The following CEP72 variants were observed in gnomAD, a reference collection of about 807,000 sequenced individuals.
CEP72 encodes the protein centrosomal protein 72, also known as centrosomal protein of 72 kDa.
CEP72 carries 78 observed loss-of-function variants against 65.7 expected under a neutral mutation model. The ratio of observed to expected loss-of-function variants is 1.19; its 90% CI spans 0.99 to 1.43. The LOEUF is 1.43. CEP72 is among the 40% of genes most tolerant of loss of function. The probability of loss-of-function intolerance (pLI) is 0.00; values close to 1 mark genes in which losing one functional copy is unlikely to be tolerated. For missense variants in CEP72, 914 were observed against 832.9 expected (o/e 1.10, Z -1.20); for synonymous variants, 358 against 351.7 (o/e 1.02, Z -0.20).
rs1184317339 is a variant in CEP72 at position 620,247 on chromosome 5, A to G, written c.389A>G (p.Lys130Arg). The G allele has an allele frequency of 1.2e-6, 2 of 1,613,304 alleles. No homozygotes were observed. Among genetic ancestry groups the G allele is most frequent in the Middle Eastern group, 1.7e-4 (1 of 6,060 alleles). Residue 130 changes from lysine (K) to arginine (R), a missense_variant, in exon 3 of 12, where the codon AAG becomes AGG. Lys to Arg is a conservative substitution (Grantham distance 26). Coordinates refer to ENST00000264935, the MANE Select transcript of CEP72 (RefSeq NM_018140.4). ...YRLFVVHLLP[K>R]LQQLDDRPVR... The stretch of plus-strand genomic sequence containing the variant: ...CTTTTTGTTGTGCACCTGCTCCCCA[A>G]GCTCCAGCAGCTGGGTAGGCATCAG...
rs543308464 is a variant in CEP72, at chr5:624,261, G to A, written c.404-210G>A. Among the ~76,000 whole-genome samples the A allele has an allele frequency of 1.3e-5, 2 of 152,332 alleles. No individual in the cohort carries two copies. The highest frequency in any genetic ancestry group is 4.8e-5 in the African/African-American group (2 of 41,584). ...TGTGCGGCTGCTCCCGTGCGCAGCAGTGAGCTCTGAGGGACAGGCGGCCTC... is the reference window on the plus strand; with the variant it reads ...TGTGCGGCTGCTCCCGTGCGCAGCAATGAGCTCTGAGGGACAGGCGGCCTC... On this transcript the variant is annotated intron_variant, in intron 3 of 11. Transcript: ENST00000264935. This position sits in a 1 kb window ranked among gnomAD's most constrained non-coding sequence, Gnocchi z 4.7.
chr5:632,805 G>A (rs576422217), intron 4 of CEP72, among the ~76,000 whole-genome samples: 2 of 54,020 alleles, frequency 3.7e-5, no homozygotes, highest in Non-Finnish European at 7.1e-5. Context: ...GTCCAGCGCC[G>A]GGATTTGGCC....
downstream of CEP72, among the ~76,000 whole-genome samples, chr5:668,448 G>A (rs61419136): frequency 1.0e-4 from 11 of 105,246 alleles, no homozygotes; most frequent in Middle Eastern, 5.1e-3. Flanking sequence ...AGGGAAGTGC[G>A]GACAAGCACA....
At chr5:664,429 G>T (rs1739810502) in intron 2 of CEP72, 1 of 152,510 alleles carries the variant, frequency 6.6e-6, no homozygotes, top group South Asian at 2.1e-4. Flanking sequence ...GCCGCCCACT[G>T]CCCCTGACGG....
At position 635,353 on chromosome 5, in the gene CEP72, A is replaced by G. The variant is rs1019940452; in HGVS notation, c.692-19A>G. ...TTTACAATGTTTTATGAAATATTTT[A>G]TTTACAATATTTTAATAGAATCCAG... On this transcript the variant is annotated intron_variant, in intron 5 of 11. Transcript: ENST00000264935. 5.3e-6 allele frequency: 8 copies of G among 1,504,270 alleles called. No individual in the cohort carries two copies. Among genetic ancestry groups the G allele is most frequent in the Non-Finnish European group, 7.3e-6 (8 of 1,100,168 alleles). The allele number at this position is 1,504,270 out of a possible 1,614,324, so 93.2% of individuals were successfully genotyped here. A position where few individuals can be genotyped will look rare whatever the true frequency, so the allele number is the denominator to read the frequency against.
Position 620,954 on chromosome 5 carries a change from G to A in CEP72, c.403+693G>A, listed in dbSNP as rs184931112. 4.5e-3 allele frequency among the ~76,000 whole-genome samples: 691 copies of A among 152,292 alleles called. 3 individuals carry two copies. Among genetic ancestry groups the A allele is most frequent in the South Asian group, 0.012 (58 of 4,832 alleles). ...GTGGTGTCTCTGCTGACCCTACCCC[G>A]AGTCACAGATCCAGGAGAGAAAGCT... On this transcript the variant is annotated intron_variant, in intron 3 of 11. Transcript: ENST00000264935.
At chr5:619,180 A>G (rs1736210547) in intron 2 of CEP72, 63 bp downstream of exon 2, 2 of 1,480,692 alleles carry the variant, frequency 1.4e-6, no homozygotes, top group South Asian at 2.3e-5. Context: ...GTCCATTCAC[A>G]GCAGAAACGG....
At chr5:636,955 G>A (rs1737646871) in intron 6 of CEP72, among the ~76,000 whole-genome samples, 1 of 152,174 alleles carries the variant, frequency 6.6e-6, no homozygotes, top group African/African-American at 2.4e-5. Context: ...GGGTCATCTT[G>A]AGTTGAGCAG....
intron 3 of CEP72, among the ~76,000 whole-genome samples, chr5:620,935 T>C (rs535017830): frequency 6.6e-6 from 1 of 152,286 alleles, no homozygotes; most frequent in African/African-American, 2.4e-5. Context: ...CCTGGTGGTG[T>C]CTCTGCTGAC....
chr5:646,028 G>A (rs760644565), intron 10 of CEP72, among the ~76,000 whole-genome samples: 18 of 151,794 alleles, frequency 1.2e-4, no homozygotes, highest in Admixed American at 5.9e-4. Flanking sequence ...TCCCATCGGC[G>A]GCCTGTGTGG....
At chr5:646,655 G>A (rs1351759719) in intron 10 of CEP72, among the ~76,000 whole-genome samples, 4 of 152,184 alleles carry the variant, frequency 2.6e-5, no homozygotes, top group Non-Finnish European at 4.4e-5. Flanking sequence ...GGGATTGCAC[G>A]GCTGCCTCAG....
downstream of CEP72, among the ~76,000 whole-genome samples, chr5:670,652 C>T (rs1488759164): frequency 2.0e-5 from 3 of 152,128 alleles, no homozygotes; most frequent in Admixed American, 1.3e-4. Context: ...CACGTCGCTC[C>T]GAGTTCTCAC....
chr5:617,458 A>G (rs1736066249), intron 1 of CEP72, among the ~76,000 whole-genome samples: 1 of 152,196 alleles, frequency 6.6e-6, no homozygotes, highest in South Asian at 2.1e-4. Flanking sequence ...ACCTGAGGTC[A>G]GGAGTTCGAG....
intron 1 of CEP72, among the ~76,000 whole-genome samples, chr5:616,097 G>A (rs1735972173): frequency 6.6e-6 from 1 of 152,028 alleles, no homozygotes; most frequent in African/African-American, 2.4e-5. Context: ...ATGTTTATCT[G>A]TTCTGTTATT....
At position 624,401 on chromosome 5, in the gene CEP72, G is replaced by T; in HGVS notation, c.404-70G>T. The T allele has an allele frequency of 1.8e-6, 2 of 1,082,822 alleles. No homozygotes were observed. The highest frequency in any genetic ancestry group is 2.4e-5 in the East Asian group (1 of 41,808). The allele number at this position is 1,082,822 out of a possible 1,614,324, so 67.1% of individuals were successfully genotyped here. A position where few individuals can be genotyped will look rare whatever the true frequency, so the allele number is the denominator to read the frequency against. The stretch of plus-strand genomic sequence containing the variant: ...GGGGATGGACACCCTGCCCCGTGTA[G>T]ATGCCCCAGGGTGGATGCAGCCGCC... On this transcript the variant is annotated intron_variant, in intron 3 of 11. Coordinates refer to ENST00000264935, the MANE Select transcript of CEP72 (RefSeq NM_018140.4). The surrounding 1 kb of genome is among the most constrained non-coding windows in gnomAD (Gnocchi z 4.7).
chr5:667,979 G>T (rs561854546), downstream of CEP72, among the ~76,000 whole-genome samples: 2 of 56,370 alleles, frequency 3.5e-5, 1 homozygote. Context: ...CAAGCACACA[G>T]AGAGGGGGCC....
At chr5:641,110 TC>T in intron 9 of CEP72, 3 of 985,396 alleles carry the variant, frequency 3.0e-6, no homozygotes, top group Non-Finnish European at 3.6e-6. Context: ...GCTCCCTCCT[TC>T]CGTCTCAGCC....
In CEP72 at chr5:628,956, A is replaced by G. The variant is rs202241356; in HGVS notation, c.512+4377A>G. On this transcript the variant is annotated intron_variant, in intron 4 of 11. Coordinates refer to ENST00000264935, the MANE Select transcript of CEP72 (RefSeq NM_018140.4). ...CAGCGTTCTGGAGAACTCAGGTCAC[A>G]GGCCCCGGGGAGTGTTCCCAGGACC... Among the ~76,000 whole-genome samples, 17 of 113,970 alleles carry G rather than the reference A, an allele frequency of 1.5e-4. 1 individual carries two copies. The highest frequency in any genetic ancestry group is 7.0e-4 in the African/African-American group (14 of 20,036). 74.8% of individuals were successfully genotyped at this position (113,970 alleles called of 152,430 possible). A position where few individuals can be genotyped will look rare whatever the true frequency, so the allele number is the denominator to read the frequency against.
chr5:619,743 T>C (rs1736257890), intron 2 of CEP72, among the ~76,000 whole-genome samples: 1 of 152,178 alleles, frequency 6.6e-6, no homozygotes, highest in Non-Finnish European at 1.5e-5. Context: ...AAGGGGGGGC[T>C]GATGGTTCTC....
Sources: gnomAD v4.1 joint callset for allele counts (sites outside exome capture counted in the v4.1 genomes callset) on GRCh38, gnomAD v4.1.1 for gene constraint, Gnocchi (gnomAD v3.1) non-coding constraint, MANE v1.5 for transcripts, NCBI Gene and HGNC (gene_info 2026-07-23, HGNC 2026-07-21) for gene names.